Variants in PRKAA2 observed in about 807,000 individuals in gnomAD.
The protein encoded by PRKAA2 is protein kinase AMP-activated catalytic subunit alpha 2, also known as 5'-AMP-activated protein kinase catalytic subunit alpha-2.
Under a neutral mutation model 56.3 loss-of-function variants are expected in PRKAA2, and 40 were observed. That is an observed-to-expected ratio of 0.71 (90% CI 0.55 to 0.92). The LOEUF (loss-of-function observed/expected upper bound fraction) is 0.92, where lower values mean the gene tolerates loss of function less well. Among genes scored for constraint, PRKAA2 ranks in the 40% least tolerant of loss-of-function variants. PRKAA2 has a pLI of 0.00. For missense variants in PRKAA2, 542 were observed against 686.9 expected, an observed-to-expected ratio of 0.79 and a Z score of 2.36; for synonymous variants, 214 against 234.2, an observed-to-expected ratio of 0.91 and a Z score of 0.79.
At chr1:56,682,038 T>A (rs1325066951) in intron 2 of PRKAA2, among the ~76,000 whole-genome samples, 2 of 152,132 alleles carry the variant, frequency 1.3e-5, no homozygotes, top group Non-Finnish European at 2.9e-5. Context: ...CATTGAGCAG[T>A]GGTTTGTAGT....
intron 2 of PRKAA2, among the ~76,000 whole-genome samples, chr1:56,681,639 C>T (rs1257933198): frequency 6.6e-6 from 1 of 152,154 alleles, no homozygotes; most frequent in Non-Finnish European, 1.5e-5. Flanking sequence ...TTGTTTTTGT[C>T]AGGTTTGTCA....
intron 2 of PRKAA2, among the ~76,000 whole-genome samples, chr1:56,683,033 T>C (rs189578279): frequency 1.3e-5 from 2 of 149,800 alleles, no homozygotes; most frequent in African/African-American, 2.4e-5. Flanking sequence ...AGAACTAATG[T>C]ATTACTGATG....
intron 6 of PRKAA2, among the ~76,000 whole-genome samples, chr1:56,703,674 T>G (rs1644311075): frequency 1.3e-5 from 2 of 152,264 alleles, no homozygotes; most frequent in Non-Finnish European, 2.9e-5. Context: ...TTGAAATTTT[T>G]GCTTGAAAGC....
At chr1:56,703,866 A>G in intron 6 of PRKAA2, 105 bp from the exon 7 acceptor site, 1 of 1,303,888 alleles carries the variant, frequency 7.7e-7, no homozygotes, top group Non-Finnish European at 1.1e-6. Flanking sequence ...AGCTAGGTCT[A>G]GAGACCAGAT....
At position 56,666,530 on chromosome 1, in the gene PRKAA2, T is replaced by A. The variant is rs143300970; in HGVS notation, c.95-7851T>A. On this transcript the variant is annotated intron_variant, in intron 1 of 8. Coordinates refer to ENST00000371244, the MANE Select transcript of PRKAA2 (RefSeq NM_006252.4). ...TGTGATGCATTGGAGATTTGGTGAA[T>A]GGGAATTTAAATAGTTCACATATTT... Among the ~76,000 whole-genome samples, 84 of 152,302 alleles carry A rather than the reference T, an allele frequency of 5.5e-4. 1 individual carries two copies. The highest frequency in any genetic ancestry group is 2.0e-3 in the African/African-American group (82 of 41,558).
chr1:56,697,820 A>C lies in PRKAA2; in HGVS notation c.788+1661A>C, dbSNP rs1053805121. Among the ~76,000 whole-genome samples, 9 of 151,848 alleles carry C rather than the reference A, an allele frequency of 5.9e-5. No homozygotes were observed. The East Asian group carries it at 1.7e-3, about 29-fold the overall frequency. ...TATATTAAAATTTTTTTTTTATTAAAAAAAAAGTCAAATGGTAATGATTCA... is the reference window on the plus strand; with the variant it reads ...TATATTAAAATTTTTTTTTTATTAACAAAAAAGTCAAATGGTAATGATTCA... On this transcript the variant is annotated intron_variant, in intron 6 of 8. Coordinates refer to ENST00000371244, the MANE Select transcript of PRKAA2 (RefSeq NM_006252.4).
In PRKAA2 at chr1:56,707,684, G is replaced by T. The variant is rs1313641358; in HGVS notation, c.1630G>T (p.Ala544Ser). The stretch of plus-strand genomic sequence containing the variant: ...CACCATGGATTTTTTTGAAATGTGT[G>T]CCAGTCTGATTACTACTTTAGCCCG... ...SHTMDFFEMC[A>S]SLITTLAR is the part of the protein sequence containing the mutation. Residue 544 changes from alanine to serine, a missense_variant, in exon 9 of 9, where the codon GCC (alanine) becomes TCC (serine). Around this residue, in one of 5 missense-constraint regions of PRKAA2, gnomAD observed 158 missense variants for 166.1 expected, o/e 0.95. Transcript: ENST00000371244. The T allele has an allele frequency of 6.2e-6, 10 of 1,608,370 alleles. No individual in the cohort carries two copies. The highest frequency in any genetic ancestry group is 8.5e-6 in the Non-Finnish European group (10 of 1,174,916).
At chr1:56,648,916 A>T (rs1646665734) in intron 1 of PRKAA2, among the ~76,000 whole-genome samples, 1 of 152,170 alleles carries the variant, frequency 6.6e-6, no homozygotes, top group African/African-American at 2.4e-5. Flanking sequence ...TTGTCATCTT[A>T]TAAGTTGAGT....
chr1:56,682,044 G>A (rs113487235), intron 2 of PRKAA2, among the ~76,000 whole-genome samples: 3,957 of 152,160 alleles, frequency 0.026, 77 homozygotes, highest in Admixed American at 0.036. Context: ...GCAGTGGTTT[G>A]TAGTTCTCCT....
chr1:56,649,822 C>T (rs1313917518), intron 1 of PRKAA2, among the ~76,000 whole-genome samples: 2 of 152,032 alleles, frequency 1.3e-5, no homozygotes, highest in Non-Finnish European at 2.9e-5. Flanking sequence ...AGGCCAGGCA[C>T]GGCGGCTCAC....
intron 1 of PRKAA2, among the ~76,000 whole-genome samples, chr1:56,655,179 A>T (rs1278497450): frequency 6.7e-6 from 1 of 149,066 alleles, no homozygotes; most frequent in Non-Finnish European, 1.5e-5. Flanking sequence ...TGCTTGTTTT[A>T]CTTGGGCAAT....
At position 56,711,614 on chromosome 1, in the gene PRKAA2, C is replaced by T. The variant is rs1644369281; in HGVS notation, c.*3901C>T. The T allele has an allele frequency of 6.6e-6, 1 of 151,994 alleles. No individual in the cohort carries two copies. Among genetic ancestry groups the T allele is most frequent in the Non-Finnish European group, 1.5e-5 (1 of 67,982 alleles). 9.4% of individuals were successfully genotyped at this position (151,994 alleles called of 1,614,324 possible). On this transcript the variant is annotated 3_prime_UTR_variant, in exon 9 of 9. Transcript: ENST00000371244. ...TATTTACTTGGTTCTCCTGTGTCAC[C>T]CTGTGGCTTTTTAAATAGGGAATGT...
At chr1:56,684,243 T>C (rs557399564) in intron 2 of PRKAA2, among the ~76,000 whole-genome samples, 1 of 151,966 alleles carries the variant, frequency 6.6e-6, no homozygotes, top group South Asian at 2.1e-4. Flanking sequence ...TGAGGTGGGA[T>C]GTTAGGGGGG....
intron 2 of PRKAA2, among the ~76,000 whole-genome samples, chr1:56,676,796 A>G (rs1402880066): frequency 1.3e-5 from 2 of 152,204 alleles, no homozygotes; most frequent in Admixed American, 1.3e-4. Flanking sequence ...ACCGGCAGCA[A>G]GAGTATGCCA....
chr1:56,663,477 G>A (rs1337920037), intron 1 of PRKAA2, among the ~76,000 whole-genome samples: 1 of 152,148 alleles, frequency 6.6e-6, no homozygotes, highest in Non-Finnish European at 1.5e-5. Flanking sequence ...TTGTCTTCAG[G>A]ATCATATTGG....
At chr1:56,707,297 TTGTTA>T (rs1644338023) in intron 8 of PRKAA2, among the ~76,000 whole-genome samples, 173 bp from the exon 9 acceptor site, 1 of 152,132 alleles carries the variant, frequency 6.6e-6, no homozygotes, top group African/African-American at 2.4e-5. Flanking sequence ...GTAGCGATGT[TTGTTA>T]TGATTGTTGG....
At chr1:56,685,438 G>A (rs1281072732) in intron 2 of PRKAA2, among the ~76,000 whole-genome samples, 2 of 152,116 alleles carry the variant, frequency 1.3e-5, no homozygotes, top group Admixed American at 1.3e-4. Context: ...TTTTGGGTAA[G>A]AATTTCTTTT....
chr1:56,686,227 G>T (rs1282947299), intron 2 of PRKAA2, among the ~76,000 whole-genome samples: 1 of 152,158 alleles, frequency 6.6e-6, no homozygotes, highest in East Asian at 1.9e-4. Context: ...AATGTATATG[G>T]TGTTTTGCAA....
At chr1:56,666,393 A>G (rs1462323125) in intron 1 of PRKAA2, among the ~76,000 whole-genome samples, 3 of 152,192 alleles carry the variant, frequency 2.0e-5, no homozygotes, top group Non-Finnish European at 1.5e-5. Context: ...ACATTAGAAC[A>G]TCACTTAATC....
Sources: gnomAD v4.1 joint callset for allele counts (sites outside exome capture counted in the v4.1 genomes callset) on GRCh38, gnomAD v4.1.1 for gene constraint, gnomAD v4.1.1 regional missense constraint, MANE v1.5 for transcripts, NCBI Gene and HGNC (gene_info 2026-07-23, HGNC 2026-07-21) for gene names.